KDM6A: variants seen among roughly 807,000 people sequenced by gnomAD.
The protein encoded by KDM6A is lysine-specific demethylase 6A.
Under a neutral mutation model 117.6 loss-of-function variants are expected in KDM6A, and 11 were observed. That is an observed-to-expected ratio of 0.09 (90% CI 0.06 to 0.15). The LOEUF (loss-of-function observed/expected upper bound fraction) is 0.15, where lower values mean the gene tolerates loss of function less well. Among genes scored for constraint, KDM6A ranks in the 10% least tolerant of loss-of-function variants. KDM6A has a pLI of 1.00. For missense variants in KDM6A, 799 were observed against 1,077.3 expected, an observed-to-expected ratio of 0.74 and a Z score of 3.62; for synonymous variants, 384 against 396.1, an observed-to-expected ratio of 0.97 and a Z score of 0.36.
Position 45,041,414 on chromosome X carries a change from T to C in KDM6A, c.654+3725T>C, listed in dbSNP as rs1192821949. 1.2e-4 allele frequency among the ~76,000 whole-genome samples: 12 copies of C among 96,759 alleles called. No homozygotes were observed. The East Asian group carries it at 3.1e-3, about 25-fold the overall frequency. The allele number at this position is 96,759 out of a possible 115,157, so 84.0% of individuals were successfully genotyped here. On this transcript the variant is annotated intron_variant, in intron 8 of 29. Transcript: ENST00000611820. ...CCCCTCACCTCCCGGACGGGGCAGC[T>C]GGCCGGGCGGGGACTGACCCCCCCC...
intron 4 of KDM6A, among the ~76,000 whole-genome samples, chrX:44,981,634 G>T (rs955845970): frequency 2.7e-5 from 3 of 111,836 alleles, no homozygotes; most frequent in African/African-American, 9.7e-5. Context: ...GGGCTGAAAA[G>T]TCCCAACGTT....
At chrX:45,006,815 C>T (rs2041517152) in intron 4 of KDM6A, among the ~76,000 whole-genome samples, 1 of 111,013 alleles carries the variant, frequency 9.0e-6, no homozygotes, top group Admixed American at 9.5e-5. Flanking sequence ...CCTGTGGTCC[C>T]AGCTACTTGG....
chrX:45,072,120 A>G (rs2044877376), intron 18 of KDM6A, among the ~76,000 whole-genome samples: 1 of 111,839 alleles, frequency 8.9e-6, no homozygotes, highest in South Asian at 3.6e-4. Context: ...GTTAGTTTCT[A>G]TTTCATTATT....
At chrX:45,042,521 T>C (rs2043317181) in intron 8 of KDM6A, among the ~76,000 whole-genome samples, 1 of 111,500 alleles carries the variant, frequency 9.0e-6, no homozygotes, top group Non-Finnish European at 1.9e-5. Context: ...AGTTAGTTTT[T>C]ATAGTTCCAC....
At chrX:44,891,732 C>CT (rs1277363172) in intron 2 of KDM6A, among the ~76,000 whole-genome samples, 1 of 112,033 alleles carries the variant, frequency 8.9e-6, no homozygotes, top group Non-Finnish European at 1.9e-5. Flanking sequence ...GTCCACCCTA[C>CT]TGCCGTGTCC....
At chrX:44,963,483 G>GTGTGTGTGTGTGTGTCTGTCTGTCTGTC (rs1481840859) in intron 3 of KDM6A, among the ~76,000 whole-genome samples, 2 of 40,889 alleles carry the variant, frequency 4.9e-5, no homozygotes, top group African/African-American at 1.5e-4. Flanking sequence ...GTGTGTGTGT[G>GTGTGTGTGTGTGTGTCTGTCTGTCTGTC]TGTCTGTCTG....
At chrX:44,955,128 T>C (rs2038252243) in intron 2 of KDM6A, among the ~76,000 whole-genome samples, 1 of 111,623 alleles carries the variant, frequency 9.0e-6, no homozygotes, top group African/African-American at 3.3e-5. Flanking sequence ...TTGTTTAGAG[T>C]TAAAAGATTT....
At chrX:44,997,005 A>ATGCACT (rs1237210169) in intron 4 of KDM6A, among the ~76,000 whole-genome samples, 1 of 111,279 alleles carries the variant, frequency 9.0e-6, no homozygotes, top group Non-Finnish European at 1.9e-5. Flanking sequence ...TCAAACCTCT[A>ATGCACT]GGGGAGCATA....
intron 2 of KDM6A, among the ~76,000 whole-genome samples, chrX:44,950,020 CT>C (rs761398475): frequency 1.6e-3 from 160 of 102,773 alleles, no homozygotes; most frequent in African/African-American, 1.2e-3. Context: ...ATAATGCCAA[CT>C]TTTTTTTTTT....
chrX:44,899,425 T>G (rs868750532), intron 2 of KDM6A, among the ~76,000 whole-genome samples: 2 of 110,034 alleles, frequency 1.8e-5, no homozygotes, highest in Admixed American at 9.8e-5. Flanking sequence ...TGTGTGTATA[T>G]GTTTTCTTTT....
At chrX:45,078,768 G>A (rs769883274) in intron 20 of KDM6A, among the ~76,000 whole-genome samples, 4 of 110,179 alleles carry the variant, frequency 3.6e-5, no homozygotes, top group South Asian at 3.8e-4. Context: ...ACTTTGGTCC[G>A]TTTACATAAT....
At chrX:44,875,218 G>C (rs144929812) in intron 2 of KDM6A, among the ~76,000 whole-genome samples, 363 of 112,498 alleles carry the variant, frequency 3.2e-3, no homozygotes, top group African/African-American at 0.011. Context: ...TGAGACGCAA[G>C]TTTGAAATAA....
chrX:45,049,074 TGCTAGATTGTA>T, intron 8 of KDM6A, among the ~76,000 whole-genome samples: 1 of 111,534 alleles, frequency 9.0e-6, no homozygotes, highest in Non-Finnish European at 1.9e-5. Flanking sequence ...AGAGTAAGAT[TGCTAGATTGTA>T]GCATATTTGT....
At position 44,894,683 on chromosome X, in the gene KDM6A, T is replaced by G. The variant is rs375028497; in HGVS notation, c.225+20696T>G. On this transcript the variant is annotated intron_variant, in intron 2 of 29. Coordinates refer to ENST00000611820, the MANE Select transcript of KDM6A (RefSeq NM_001291415.2). ...CAGGCTGGAGTGCAGTGGCGTGATC[T>G]CGGCTCACTGCAACCTCCGGCTCCT... 7.4e-5 allele frequency among the ~76,000 whole-genome samples: 8 copies of G among 108,444 alleles called. No individual in the cohort carries two copies. In the South Asian group the frequency reaches 1.6e-3, roughly 22 times the overall value. 94.2% of individuals were successfully genotyped at this position (108,444 alleles called of 115,157 possible). A position where few individuals can be genotyped will look rare whatever the true frequency, so the allele number is the denominator to read the frequency against.
chrX:44,994,327 T>G (rs2040762322), intron 4 of KDM6A, among the ~76,000 whole-genome samples: 1 of 111,833 alleles, frequency 8.9e-6, no homozygotes, highest in South Asian at 3.7e-4. Context: ...AGTTTGACTT[T>G]TTTAGATTCC....
At position 45,069,482 on chromosome X, in the gene KDM6A, A is replaced by G. The variant is rs780411191; in HGVS notation, c.2080-97A>G. 5 of 797,399 alleles carry G rather than the reference A, an allele frequency of 6.3e-6. No individual in the cohort carries two copies. The South Asian group carries it at 1.2e-4, about 19-fold the overall frequency. The allele number at this position is 797,399 out of a possible 1,213,427, so 65.7% of individuals were successfully genotyped here. A position where few individuals can be genotyped will look rare whatever the true frequency, so the allele number is the denominator to read the frequency against. The stretch of plus-strand genomic sequence containing the variant: ...GGGTCAAATTATCTTATACAGTTAG[A>G]TATTTATTTTTAGTGGCTTTTCTCT... On this transcript the variant is annotated intron_variant, in intron 17 of 29. Coordinates refer to ENST00000611820, the MANE Select transcript of KDM6A (RefSeq NM_001291415.2).
Position 44,873,300 on chromosome X carries a change from C to T in KDM6A, c.-252C>T. ...CGCCGTCCCCGCCTGTGGCTGCCCCCTGCCCAACCCCGCGATGTGACCCTA... is the reference window on the plus strand; with the variant it reads ...CGCCGTCCCCGCCTGTGGCTGCCCCTTGCCCAACCCCGCGATGTGACCCTA... On this transcript the variant is annotated 5_prime_UTR_variant, in exon 1 of 30. Coordinates refer to ENST00000611820, the MANE Select transcript of KDM6A (RefSeq NM_001291415.2). 2.6e-6 allele frequency: 1 copy of T among 390,423 alleles called. No individual in the cohort carries two copies. The highest frequency in any genetic ancestry group is 4.4e-6 in the Non-Finnish European group (1 of 228,499). The allele number at this position is 390,423 out of a possible 1,213,427, so 32.2% of individuals were successfully genotyped here.
At chrX:44,968,215 A>G (rs191605382) in intron 3 of KDM6A, among the ~76,000 whole-genome samples, 4 of 112,674 alleles carry the variant, frequency 3.6e-5, no homozygotes, top group African/African-American at 9.7e-5. Flanking sequence ...TTCCATATTG[A>G]ACATGGGCCA....
At chrX:45,041,406 G>A (rs1238445491) in intron 8 of KDM6A, among the ~76,000 whole-genome samples, 14 of 99,888 alleles carry the variant, frequency 1.4e-4, no homozygotes, top group African/African-American at 5.4e-4. Flanking sequence ...CCTCCCGGAC[G>A]GGGCAGCTGG....
Sources: allele counts gnomAD v4.1 joint callset (sites outside exome capture counted in the v4.1 genomes callset), GRCh38; gene constraint gnomAD v4.1.1; transcripts MANE v1.5; gene names NCBI Gene and HGNC (gene_info 2026-07-23, HGNC 2026-07-21).